MACROD2: variants seen among roughly 807,000 people sequenced by gnomAD.
The protein encoded by MACROD2 is ADP-ribose glycohydrolase MACROD2.
Under a neutral mutation model 70.4 loss-of-function variants are expected in MACROD2, and 36 were observed. The ratio of observed to expected loss-of-function variants is 0.51; its 90% confidence interval spans 0.39 to 0.68. The LOEUF is 0.68. Among genes scored for constraint, MACROD2 ranks in the 30% least tolerant of loss-of-function variants. MACROD2 has a pLI of 0.00. For synonymous variants in MACROD2, 172 were observed against 178.8 expected, an observed-to-expected ratio of 0.96 and a Z score of 0.30; for missense variants, 496 against 538.4, an observed-to-expected ratio of 0.92 and a Z score of 0.78.
chr20:14,487,742 GA>G (rs1276436178), intron 3 of MACROD2, among the ~76,000 whole-genome samples: 7 of 152,106 alleles, frequency 4.6e-5, no homozygotes, highest in African/African-American at 1.4e-4. Flanking sequence ...ATTCTCAGGG[GA>G]TTCATCGTAT....
At chr20:14,776,788 G>GCCAGTAC (rs1451134401) in intron 5 of MACROD2, among the ~76,000 whole-genome samples, 2 of 152,070 alleles carry the variant, frequency 1.3e-5, no homozygotes, top group Non-Finnish European at 2.9e-5. Context: ...TGTTTTTGTA[G>GCCAGTAC]CCAGTACCCA....
chr20:14,232,095 T>C (rs1420368889), intron 3 of MACROD2, among the ~76,000 whole-genome samples: 1 of 152,252 alleles, frequency 6.6e-6, no homozygotes, highest in African/African-American at 2.4e-5. Flanking sequence ...ATAGGTTGCC[T>C]GTTCACTCTG....
At chr20:15,234,868 A>G (rs966739987) in intron 6 of MACROD2, among the ~76,000 whole-genome samples, 1 of 152,244 alleles carries the variant, frequency 6.6e-6, no homozygotes, top group Non-Finnish European at 1.5e-5. Flanking sequence ...ATACATAGAT[A>G]TTTTCTTATA....
At chr20:14,622,167 A>G (rs1983867200) in intron 4 of MACROD2, among the ~76,000 whole-genome samples, 1 of 152,164 alleles carries the variant, frequency 6.6e-6, no homozygotes, top group African/African-American at 2.4e-5. Context: ...TCCATTGGAT[A>G]ATAAAGATAT....
intron 5 of MACROD2, among the ~76,000 whole-genome samples, chr20:15,067,498 G>A (rs1419936480): frequency 4.0e-5 from 6 of 151,612 alleles, no homozygotes; most frequent in African/African-American, 1.2e-4. Context: ...TACAGGTGTG[G>A]GCCACCACAC....
At position 16,052,192 on chromosome 20, in the gene MACROD2, A is replaced by G. The variant is rs1185504152; in HGVS notation, c.*2316A>G. The G allele has an allele frequency of 6.6e-6, 1 of 152,140 alleles. No homozygotes were observed. Among genetic ancestry groups the G allele is most frequent in the Non-Finnish European group, 1.5e-5 (1 of 68,018 alleles). 9.4% of individuals were successfully genotyped at this position (152,140 alleles called of 1,614,324 possible). On this transcript the variant is annotated 3_prime_UTR_variant, in exon 18 of 18. Coordinates refer to ENST00000684519, the MANE Select transcript of MACROD2 (RefSeq NM_001351661.2). Reference sequence around the variant, plus strand: ...TGCTTTGTCATGCTTTTTGGTTGTTATTTGGCTATACAGTTTTATGCTTTA... The same window carrying G: ...TGCTTTGTCATGCTTTTTGGTTGTTGTTTGGCTATACAGTTTTATGCTTTA...
intron 10 of MACROD2, chr20:15,892,939 C>T: frequency 2.5e-6 from 1 of 398,752 alleles, no homozygotes; most frequent in African/African-American, 2.1e-5. Context: ...GGGTTAGAGC[C>T]AAAAGGCCTC....
chr20:15,201,175 A>G (rs2076652789), intron 5 of MACROD2, among the ~76,000 whole-genome samples: 1 of 152,152 alleles, frequency 6.6e-6, no homozygotes, highest in Non-Finnish European at 1.5e-5. Flanking sequence ...AACATGGGTT[A>G]GTGGAAAGTC....
intron 3 of MACROD2, among the ~76,000 whole-genome samples, chr20:14,148,705 A>G (rs1486621689): frequency 6.6e-6 from 1 of 152,188 alleles, no homozygotes; most frequent in Admixed American, 6.5e-5. Flanking sequence ...GTGTTGTATT[A>G]TGCAGAATGT....
chr20:14,573,407 T>C (rs1434961460), intron 4 of MACROD2, among the ~76,000 whole-genome samples: 1 of 152,172 alleles, frequency 6.6e-6, no homozygotes, highest in Non-Finnish European at 1.5e-5. Flanking sequence ...TTTAAGTGAA[T>C]AAATTACTAA....
chr20:15,125,397 G>C (rs4814337), intron 5 of MACROD2, among the ~76,000 whole-genome samples: 16,050 of 152,032 alleles, frequency 0.11, 1,054 homozygotes, highest in Middle Eastern at 0.18. Context: ...TATCCTAAAC[G>C]TAGGGGTTAA....
chr20:14,579,120 T>G lies in MACROD2; in HGVS notation c.301+85612T>G, dbSNP rs560910651. Among the ~76,000 whole-genome samples the G allele has an allele frequency of 8.2e-4, 120 of 145,816 alleles. 3 individuals carry two copies. Among genetic ancestry groups the G allele is most frequent in the Admixed American group, 7.7e-3 (110 of 14,260 alleles). ...TTTTTTTTTCTGGGAAGCAACTGTATCCAATTCTTTTTTTTTTTTTTTTTT... is the reference window on the plus strand; with the variant it reads ...TTTTTTTTTCTGGGAAGCAACTGTAGCCAATTCTTTTTTTTTTTTTTTTTT... On this transcript the variant is annotated intron_variant, in intron 4 of 17. Coordinates refer to ENST00000684519, the MANE Select transcript of MACROD2 (RefSeq NM_001351661.2).
At chr20:14,003,172 TTG>T (rs1406492566) in intron 2 of MACROD2, among the ~76,000 whole-genome samples, 1 of 152,094 alleles carries the variant, frequency 6.6e-6, no homozygotes, top group Admixed American at 6.6e-5. Flanking sequence ...ATTTCAAAGG[TTG>T]TGGTCTTAGA....
chr20:14,956,422 T>TA (rs2074537477), intron 5 of MACROD2, among the ~76,000 whole-genome samples: 3 of 152,294 alleles, frequency 2.0e-5, no homozygotes, highest in African/African-American at 4.8e-5. Flanking sequence ...GAGACCATAT[T>TA]ATAAGTGGCA....
rs572836676 is a variant in MACROD2 at position 15,150,554 on chromosome 20, A to G, written c.419-79386A>G. Among the ~76,000 whole-genome samples, 41 of 152,110 alleles carry G rather than the reference A, an allele frequency of 2.7e-4. 2 individuals are homozygous for G. Among genetic ancestry groups the G allele is most frequent in the African/African-American group, 9.4e-4 (39 of 41,434 alleles). ...TAACAGGCTTTAATCCTTTTAAAGC[A>G]TGCTGTGGGATGGGGTATTGGCATT... On this transcript the variant is annotated intron_variant, in intron 5 of 17. Transcript: ENST00000684519.
At position 14,667,271 on chromosome 20, in the gene MACROD2, T is replaced by A. The variant is rs148956778; in HGVS notation, c.302-17572T>A. ...GTTAGCTTGCATTGCTAGCCAGCAC[T>A]CCTGTATAAATCTTGATGTCTCCTA... On this transcript the variant is annotated intron_variant, in intron 4 of 17. Coordinates refer to ENST00000684519, the MANE Select transcript of MACROD2 (RefSeq NM_001351661.2). Among the ~76,000 whole-genome samples, 17 of 152,222 alleles carry A rather than the reference T, an allele frequency of 1.1e-4. No individual in the cohort carries two copies. In the East Asian group the frequency reaches 3.3e-3, roughly 29 times the overall value.
chr20:15,722,668 G>T (rs1206725131), intron 8 of MACROD2, among the ~76,000 whole-genome samples: 2 of 151,154 alleles, frequency 1.3e-5, no homozygotes, highest in African/African-American at 4.9e-5. Flanking sequence ...CCATTTCAGT[G>T]GCTTATCTTT....
chr20:14,295,418 C>T (rs1434773839), intron 3 of MACROD2, among the ~76,000 whole-genome samples: 1 of 151,890 alleles, frequency 6.6e-6, no homozygotes, highest in Non-Finnish European at 1.5e-5. Flanking sequence ...GTCCCAGCTT[C>T]CTCTCTGAGG....
At chr20:15,595,144 G>A (rs1231155811) in intron 8 of MACROD2, among the ~76,000 whole-genome samples, 1 of 152,166 alleles carries the variant, frequency 6.6e-6, no homozygotes, top group Admixed American at 6.5e-5. Flanking sequence ...AGAGATTATT[G>A]TTAAGGGGTA....
Sources: gnomAD v4.1 joint callset for allele counts (sites outside exome capture counted in the v4.1 genomes callset) on GRCh38, gnomAD v4.1.1 for gene constraint, MANE v1.5 for transcripts, NCBI Gene and HGNC (gene_info 2026-07-23, HGNC 2026-07-21) for gene names.